MOSMO: variants seen among roughly 807,000 people sequenced by gnomAD.
The protein encoded by MOSMO is modulator of smoothened.
In MOSMO, 5 loss-of-function variants were observed where a neutral mutation model predicts 18.4. The observed-to-expected ratio is 0.27, with a 90% CI of 0.14 to 0.57. MOSMO has a LOEUF of 0.57. Among genes scored for constraint, MOSMO ranks in the 20% least tolerant of loss-of-function variants. The pLI, the probability that MOSMO is intolerant of heterozygous loss-of-function variation, is 0.92. For missense variants in MOSMO, 138 were observed against 211.8 expected (o/e 0.65, Z 2.16); for synonymous variants, 82 against 82.3 (o/e 1.00, Z 0.02).
At chr16:22,009,552 G>A (rs941062956) in intron 1 of MOSMO, among the ~76,000 whole-genome samples, 2 of 152,028 alleles carry the variant, frequency 1.3e-5, no homozygotes, top group Non-Finnish European at 2.9e-5. Context: ...GTAAACAGCT[G>A]TCAGGAGAGC....
intron 1 of MOSMO, among the ~76,000 whole-genome samples, chr16:22,023,984 A>C (rs1288568772): frequency 9.7e-6 from 1 of 103,144 alleles, no homozygotes; most frequent in Admixed American, 8.6e-5. Context: ...GCTGCTATAG[A>C]ATTTTGTACA....
intron 1 of MOSMO, among the ~76,000 whole-genome samples, chr16:22,016,879 T>C (rs1329965632): frequency 1.3e-5 from 2 of 152,198 alleles, no homozygotes; most frequent in African/African-American, 4.8e-5. Flanking sequence ...CAGTGTATTG[T>C]TAAGATCATT....
chr16:22,068,946 A>C (rs1900797056), intron 1 of MOSMO, among the ~76,000 whole-genome samples: 1 of 152,112 alleles, frequency 6.6e-6, no homozygotes, highest in Non-Finnish European at 1.5e-5. Flanking sequence ...CAAATTAAGG[A>C]CTCAGTTCTC....
chr16:22,086,927 A>G (rs990800594), downstream of MOSMO: 3 of 152,224 alleles, frequency 2.0e-5, no homozygotes, highest in Non-Finnish European at 4.4e-5. Context: ...AGAGTCATCA[A>G]TCTGCCAGGT....
rs141022355 is a variant in MOSMO, at chr16:22,042,451, A to G, written c.107-33036A>G. ...CACTTCCTACAATAATGAACTTTAT[A>G]TATTTACTGTATAAAGTATCTAAAA... On this transcript the variant is annotated intron_variant, in intron 1 of 2. Transcript: ENST00000542527. Among the ~76,000 whole-genome samples the G allele has an allele frequency of 8.4e-3, 1,277 of 152,342 alleles. 10 individuals are homozygous for G. Among genetic ancestry groups the G allele is most frequent in the Middle Eastern group, 0.048 (14 of 294 alleles).
chr16:22,072,829 T>C (rs1900885196), intron 1 of MOSMO, among the ~76,000 whole-genome samples: 1 of 151,710 alleles, frequency 6.6e-6, no homozygotes, highest in Non-Finnish European at 1.5e-5. Context: ...AAAAAGTGTA[T>C]TGATTTTCTT....
intron 1 of MOSMO, among the ~76,000 whole-genome samples, chr16:22,043,105 T>C (rs528461396): frequency 7.2e-5 from 11 of 152,338 alleles, no homozygotes; most frequent in African/African-American, 2.2e-4. Flanking sequence ...CTTCTTACCC[T>C]GTAAAGATCA....
intron 1 of MOSMO, among the ~76,000 whole-genome samples, chr16:22,010,541 C>A (rs1417558127): frequency 6.6e-6 from 1 of 152,052 alleles, no homozygotes; most frequent in Non-Finnish European, 1.5e-5. Context: ...GACTAAATGA[C>A]CATGCAAAAG....
intron 1 of MOSMO, among the ~76,000 whole-genome samples, chr16:22,021,013 C>T (rs1050038430): frequency 1.3e-5 from 2 of 150,770 alleles, no homozygotes; most frequent in Admixed American, 1.3e-4. Context: ...GAGGAAGATA[C>T]GTATGAGTGA....
At chr16:22,076,294 T>TA (rs1243341438) in intron 2 of MOSMO, 6 of 152,290 alleles carry the variant, frequency 3.9e-5, no homozygotes, top group Non-Finnish European at 5.9e-5. Flanking sequence ...TATCTCAAGT[T>TA]AAACAGAAGA....
chr16:22,079,250 C>T (rs1171889861), intron 2 of MOSMO, among the ~76,000 whole-genome samples: 1 of 152,122 alleles, frequency 6.6e-6, no homozygotes, highest in African/African-American at 2.4e-5. Context: ...GGATAGTTTT[C>T]ACCTGGAGGT....
chr16:22,017,412 T>C (rs1899662355), intron 1 of MOSMO, among the ~76,000 whole-genome samples: 1 of 152,232 alleles, frequency 6.6e-6, no homozygotes, highest in South Asian at 2.1e-4. Context: ...CATGTCTTTT[T>C]GGTTGTCAGA....
At chr16:22,021,659 G>T (rs999435100) in intron 1 of MOSMO, among the ~76,000 whole-genome samples, 1 of 151,992 alleles carries the variant, frequency 6.6e-6, no homozygotes, top group Admixed American at 6.6e-5. Flanking sequence ...TTAACCCGGC[G>T]TGATGGCGTG....
chr16:22,011,046 A>G (rs1177541800), intron 1 of MOSMO, among the ~76,000 whole-genome samples: 3 of 152,176 alleles, frequency 2.0e-5, no homozygotes, highest in Non-Finnish European at 4.4e-5. Flanking sequence ...CCATGGAGAT[A>G]GGAGCAATGG....
chr16:22,030,047 C>T (rs1054874362), intron 1 of MOSMO, among the ~76,000 whole-genome samples: 2 of 152,182 alleles, frequency 1.3e-5, no homozygotes, highest in Admixed American at 1.3e-4. Context: ...TCTACTCTCC[C>T]CAGCAGATTC....
At chr16:22,022,183 C>CT (rs771655222) in intron 1 of MOSMO, among the ~76,000 whole-genome samples, 144 of 145,074 alleles carry the variant, frequency 9.9e-4, no homozygotes, top group East Asian at 3.6e-3. Flanking sequence ...GCCCGTATCA[C>CT]TTTTTTTTTT....
chr16:22,092,561 G>A, the MOSMO span: 3 of 1,537,226 alleles, frequency 2.0e-6, no homozygotes, highest in Non-Finnish European at 2.6e-6. Context: ...GAGGAGCTTG[G>A]AGAAACCAGA....
intron 1 of MOSMO, among the ~76,000 whole-genome samples, chr16:22,064,103 C>T (rs1004405403): frequency 6.6e-6 from 1 of 152,174 alleles, no homozygotes; most frequent in African/African-American, 2.4e-5. Flanking sequence ...CCTGCCAGCT[C>T]TAAATTCTCT....
intron 1 of MOSMO, among the ~76,000 whole-genome samples, chr16:22,037,230 C>T (rs1429748757): frequency 2.6e-5 from 4 of 152,138 alleles, no homozygotes; most frequent in African/African-American, 4.8e-5. Context: ...TGGACTACAC[C>T]ACTGCACTCC....
Sources: allele counts gnomAD v4.1 joint callset (sites outside exome capture counted in the v4.1 genomes callset), GRCh38; gene constraint gnomAD v4.1.1; transcripts MANE v1.5; gene names NCBI Gene and HGNC (gene_info 2026-07-23, HGNC 2026-07-21).